Variants in TAFA4 observed in about 807,000 individuals in gnomAD.
TAFA4 encodes chemokine-like protein TAFA-4.
Under a neutral mutation model 21.1 loss-of-function variants are expected in TAFA4, and 20 were observed. The observed-to-expected ratio is 0.95, with a 90% CI of 0.67 to 1.38. The LOEUF (loss-of-function observed/expected upper bound fraction) is 1.38, where lower values mean the gene tolerates loss of function less well. TAFA4 is among the 40% of genes most tolerant of loss of function. The pLI is 0.00. For synonymous variants in TAFA4, 71 were observed against 67.4 expected, an observed-to-expected ratio of 1.05 and a Z score of -0.26; for missense variants, 211 against 180.9, an observed-to-expected ratio of 1.17 and a Z score of -0.95.
intron 3 of TAFA4, among the ~76,000 whole-genome samples, chr3:68,820,322 A>G (rs1002132979): frequency 1.3e-5 from 2 of 152,206 alleles, no homozygotes; most frequent in Admixed American, 6.5e-5. Context: ...TTCAGGGAGA[A>G]TAAGTTCAAG....
chr3:68,780,912 A>T (rs1156350300), intron 3 of TAFA4, among the ~76,000 whole-genome samples: 1 of 144,172 alleles, frequency 6.9e-6, no homozygotes, highest in East Asian at 2.0e-4. Flanking sequence ...AAAAAAAAAA[A>T]CCTTAAAAAC....
chr3:68,741,391 G>C (rs1370382961), intron 4 of TAFA4, among the ~76,000 whole-genome samples: 1 of 152,046 alleles, frequency 6.6e-6, no homozygotes, highest in Non-Finnish European at 1.5e-5. Flanking sequence ...ATAAAAATAG[G>C]ATTGCTTCCT....
At chr3:68,810,343 C>T (rs986223803) in intron 3 of TAFA4, among the ~76,000 whole-genome samples, 6 of 152,114 alleles carry the variant, frequency 3.9e-5, no homozygotes, top group East Asian at 1.9e-4. Flanking sequence ...GTGGATGCAG[C>T]GCACCAAGCA....
chr3:68,741,854 A>AAAGT (rs1326709305), intron 4 of TAFA4, among the ~76,000 whole-genome samples: 352 of 152,304 alleles, frequency 2.3e-3, no homozygotes, highest in African/African-American at 8.2e-3. Flanking sequence ...CGAAGAAGAG[A>AAAGT]GAACACTTCC....
intron 1 of TAFA4, among the ~76,000 whole-genome samples, chr3:68,886,058 G>C (rs1175777650): frequency 3.9e-5 from 6 of 152,162 alleles, no homozygotes; most frequent in Admixed American, 3.9e-4. Flanking sequence ...GTAAAGATCA[G>C]AGAAAAATTA....
At chr3:68,733,420 T>C (rs369360344) in intron 5 of TAFA4, among the ~76,000 whole-genome samples, 26 of 152,298 alleles carry the variant, frequency 1.7e-4, no homozygotes, top group African/African-American at 6.3e-4. Flanking sequence ...CCCATCTGAT[T>C]AGGTACACTC....
Position 68,821,572 on chromosome 3 carries a change from C to T in TAFA4, c.130+59158G>A, listed in dbSNP as rs1704114585. Among the ~76,000 whole-genome samples the T allele has an allele frequency of 1.2e-4, 2 of 16,084 alleles. 1 individual carries two copies. Among genetic ancestry groups the T allele is most frequent in the Non-Finnish European group, 2.3e-4 (2 of 8,786 alleles). The allele number at this position is 16,084 out of a possible 152,430, so 10.6% of individuals were successfully genotyped here. On this transcript the variant is annotated intron_variant, in intron 3 of 5. Coordinates refer to ENST00000295569, the MANE Select transcript of TAFA4 (RefSeq NM_182522.5). ...CCGTGTTAGCCAGGATGGTCTCGAT[C>T]TCCTGACCTCGTGATCCACCCGCCT... is the stretch of plus-strand genomic sequence containing the variant.
chr3:68,823,467 G>A (rs12497174), intron 3 of TAFA4, among the ~76,000 whole-genome samples: 7,860 of 151,978 alleles, frequency 0.052, 281 homozygotes, highest in Non-Finnish European at 0.073. Flanking sequence ...TTTAGTTCTG[G>A]GGTACATGTG....
At chr3:68,931,790 GC>G (rs992857220) in intron 1 of TAFA4, among the ~76,000 whole-genome samples, 1 of 152,002 alleles carries the variant, frequency 6.6e-6, no homozygotes, top group African/African-American at 2.4e-5. Flanking sequence ...GCGGGGGGAC[GC>G]TGACCGGCTC....
chr3:68,750,910 AAAGT>A (rs146164532), intron 4 of TAFA4, among the ~76,000 whole-genome samples: 2,029 of 152,316 alleles, frequency 0.013, 46 homozygotes, highest in African/African-American at 0.047. Context: ...GGGAAAGATG[AAAGT>A]AAGAGACCAC....
chr3:68,830,300 T>C (rs1365046663), intron 3 of TAFA4, among the ~76,000 whole-genome samples: 1 of 152,256 alleles, frequency 6.6e-6, no homozygotes, highest in African/African-American at 2.4e-5. Flanking sequence ...TTTTAGATCT[T>C]TCCTGCTTTC....
chr3:68,812,975 C>G (rs1703875708), intron 3 of TAFA4, among the ~76,000 whole-genome samples: 1 of 152,168 alleles, frequency 6.6e-6, no homozygotes, highest in South Asian at 2.1e-4. Context: ...AACAAACTGT[C>G]TCTCAGACCA....
intron 3 of TAFA4, among the ~76,000 whole-genome samples, chr3:68,784,098 G>A (rs989718287): frequency 6.6e-6 from 1 of 152,208 alleles, no homozygotes; most frequent in East Asian, 1.9e-4. Context: ...CAGATTGCTT[G>A]TCATCATATG....
At chr3:68,771,580 A>G (rs1702957986) in intron 3 of TAFA4, among the ~76,000 whole-genome samples, 1 of 152,238 alleles carries the variant, frequency 6.6e-6, no homozygotes, top group Non-Finnish European at 1.5e-5. Flanking sequence ...ATTAAAACCC[A>G]ACAAAAAAAG....
At chr3:68,901,131 G>C (rs2089840567) in intron 1 of TAFA4, among the ~76,000 whole-genome samples, 1 of 152,068 alleles carries the variant, frequency 6.6e-6, no homozygotes, top group Admixed American at 6.5e-5. Flanking sequence ...ATCCATGCAG[G>C]GGGTACAAAG....
chr3:68,858,362 C>T (rs866650686), intron 3 of TAFA4, among the ~76,000 whole-genome samples: 9 of 152,076 alleles, frequency 5.9e-5, no homozygotes, highest in East Asian at 3.9e-4. Context: ...AATGCTGGAA[C>T]GCAGATTAAT....
chr3:68,919,596 A>G (rs2090038832), intron 1 of TAFA4, among the ~76,000 whole-genome samples: 1 of 152,226 alleles, frequency 6.6e-6, no homozygotes, highest in Non-Finnish European at 1.5e-5. Flanking sequence ...AAAATTAAAG[A>G]AAATTTAAAA....
At chr3:68,771,126 C>T (rs1439747138) in intron 3 of TAFA4, among the ~76,000 whole-genome samples, 1 of 152,156 alleles carries the variant, frequency 6.6e-6, no homozygotes, top group Non-Finnish European at 1.5e-5. Context: ...TCTGACTCCC[C>T]ATCCATCTCA....
intron 3 of TAFA4, among the ~76,000 whole-genome samples, chr3:68,875,891 T>C (rs963554246): frequency 6.6e-6 from 1 of 151,684 alleles, no homozygotes; most frequent in African/African-American, 2.4e-5. Context: ...CCTGGTACTT[T>C]TTCTAAATTT....
Sources: gnomAD v4.1 joint callset for allele counts (sites outside exome capture counted in the v4.1 genomes callset) on GRCh38, gnomAD v4.1.1 for gene constraint, MANE v1.5 for transcripts, NCBI Gene and HGNC (gene_info 2026-07-23, HGNC 2026-07-21) for gene names.